Variants in CLNK observed in about 807,000 individuals in gnomAD.
CLNK encodes the protein cytokine-dependent hematopoietic cell linker.
Under a neutral mutation model 68.6 loss-of-function variants are expected in CLNK, and 74 were observed. The ratio of observed to expected loss-of-function variants is 1.08; its 90% CI spans 0.89 to 1.31. The LOEUF (loss-of-function observed/expected upper bound fraction) is 1.31. Ranked by LOEUF, CLNK falls within the 50% of genes most tolerant of loss-of-function variation. The pLI is 0.00. For missense variants in CLNK, 553 were observed against 515.3 expected, an observed-to-expected ratio of 1.07 and a Z score of -0.71; for synonymous variants, 198 against 172.2, an observed-to-expected ratio of 1.15 and a Z score of -1.17.
intron 2 of CLNK, among the ~76,000 whole-genome samples, chr4:10,666,756 G>A (rs545074780): frequency 1.1e-4 from 16 of 152,344 alleles, no homozygotes; most frequent in African/African-American, 2.9e-4. Flanking sequence ...TGTGGACTAC[G>A]TGCCAGGGAG....
chr4:10,624,748 T>G (rs1264115269), intron 2 of CLNK, among the ~76,000 whole-genome samples: 1 of 152,092 alleles, frequency 6.6e-6, no homozygotes, highest in Non-Finnish European at 1.5e-5. Context: ...TAGTATTTGG[T>G]TATGAAACAA....
chr4:10,565,351 T>C (rs1269967130), intron 6 of CLNK, among the ~76,000 whole-genome samples: 1 of 152,216 alleles, frequency 6.6e-6, no homozygotes, highest in Non-Finnish European at 1.5e-5. Context: ...CTTCTATAGA[T>C]TCACTTTAGT....
At chr4:10,582,108 A>G (rs1345089125) in intron 4 of CLNK, among the ~76,000 whole-genome samples, 1 of 152,226 alleles carries the variant, frequency 6.6e-6, no homozygotes, top group South Asian at 2.1e-4. Context: ...CAATCTTGGG[A>G]TGATCTGAAA....
At chr4:10,727,662 C>T in the CLNK span, among the ~76,000 whole-genome samples, 1 of 152,214 alleles carries the variant, frequency 6.6e-6, no homozygotes. Flanking sequence ...AGGGGACAGT[C>T]ATCAGAATGC....
intron 14 of CLNK, among the ~76,000 whole-genome samples, chr4:10,522,313 C>A (rs1264138568): frequency 6.7e-6 from 1 of 149,340 alleles, no homozygotes; most frequent in Non-Finnish European, 1.5e-5. Flanking sequence ...GTGGCTTACA[C>A]CTGTAATCCC....
intron 14 of CLNK, among the ~76,000 whole-genome samples, chr4:10,523,560 A>G (rs1718170946): frequency 6.6e-6 from 1 of 152,104 alleles, no homozygotes; most frequent in Admixed American, 6.6e-5. Context: ...GCAGCCAGTT[A>G]AGAGAGGGAG....
intron 8 of CLNK, among the ~76,000 whole-genome samples, chr4:10,546,548 A>G (rs1431855314): frequency 6.6e-6 from 1 of 152,140 alleles, no homozygotes; most frequent in African/African-American, 2.4e-5. Flanking sequence ...TGTCACAACC[A>G]CCTATCTAAT....
chr4:10,655,716 C>A (rs1723949160), intron 2 of CLNK, among the ~76,000 whole-genome samples: 1 of 135,980 alleles, frequency 7.4e-6, no homozygotes, highest in Non-Finnish European at 1.5e-5. Context: ...GTGGTGCGAT[C>A]TCGGCTCACT....
At chr4:10,612,362 T>C (rs569600796) in intron 2 of CLNK, among the ~76,000 whole-genome samples, 5 of 152,334 alleles carry the variant, frequency 3.3e-5, no homozygotes, top group South Asian at 2.1e-4. Flanking sequence ...AATGGACACA[T>C]TGGCCTGTGA....
At chr4:10,733,004 G>T in the CLNK span, among the ~76,000 whole-genome samples, 1 of 152,194 alleles carries the variant, frequency 6.6e-6, no homozygotes, top group African/African-American at 2.4e-5. Flanking sequence ...ATTTCAGAAA[G>T]CACAACCCAA....
intron 11 of CLNK, among the ~76,000 whole-genome samples, chr4:10,538,502 A>T (rs889348853): frequency 2.0e-5 from 3 of 152,174 alleles, no homozygotes. Flanking sequence ...GTATTAGACT[A>T]TTTGGCCAGG....
chr4:10,656,038 C>T (rs1243706098), intron 2 of CLNK, among the ~76,000 whole-genome samples: 1 of 152,174 alleles, frequency 6.6e-6, no homozygotes, highest in Admixed American at 6.5e-5. Context: ...AACTCCTCCA[C>T]ACTATACACA....
At chr4:10,538,285 C>T (rs1218983314) in intron 11 of CLNK, among the ~76,000 whole-genome samples, 3 of 152,110 alleles carry the variant, frequency 2.0e-5, no homozygotes, top group Non-Finnish European at 1.5e-5. Flanking sequence ...ATACTCCACC[C>T]CACCCAGCTA....
chr4:10,607,163 G>C (rs1259268923), intron 2 of CLNK, among the ~76,000 whole-genome samples: 1 of 152,140 alleles, frequency 6.6e-6, no homozygotes, highest in African/African-American at 2.4e-5. Context: ...CGGGGGAAAA[G>C]GTGCATCCAT....
chr4:10,624,074 T>C (rs1722563393), intron 2 of CLNK, among the ~76,000 whole-genome samples: 1 of 152,208 alleles, frequency 6.6e-6, no homozygotes, highest in African/African-American at 2.4e-5. Context: ...CTTTTCAGTT[T>C]CCCCATCTCT....
chr4:10,667,739 G>C, intron 2 of CLNK, 120 bp downstream of exon 2: 1 of 846,386 alleles, frequency 1.2e-6, no homozygotes, highest in Non-Finnish European at 1.8e-6. Context: ...GGCCTCTCAG[G>C]AAATCCCTTT....
intron 8 of CLNK, among the ~76,000 whole-genome samples, chr4:10,551,611 A>G (rs907561340): frequency 3.3e-5 from 5 of 152,074 alleles, no homozygotes; most frequent in Non-Finnish European, 5.9e-5. Flanking sequence ...CAATAACACT[A>G]TGAAATACAA....
At position 10,507,957 on chromosome 4, in the gene CLNK, A is replaced by G; in HGVS notation, c.984+2T>C. The G allele has an allele frequency of 6.2e-7, 1 of 1,600,852 alleles. No homozygotes were observed. The highest frequency in any genetic ancestry group is 8.5e-7 in the Non-Finnish European group (1 of 1,172,304). On this transcript the variant is annotated splice_donor_variant, in intron 17 of 18. Transcript: ENST00000226951. LOFTEE classifies it high-confidence loss of function. ...AATGATGGGCCACGTAGAAGGCATTACCTTGTTCTCCTTCATGAATGCCTC... is the reference window on the plus strand; with the variant it reads ...AATGATGGGCCACGTAGAAGGCATTGCCTTGTTCTCCTTCATGAATGCCTC...
chr4:10,601,542 T>C (rs1721591133), intron 2 of CLNK, among the ~76,000 whole-genome samples: 1 of 152,160 alleles, frequency 6.6e-6, no homozygotes, highest in African/African-American at 2.4e-5. Context: ...TGCTGGGAGA[T>C]TTATAAACTC....
Sources: allele counts gnomAD v4.1 joint callset (sites outside exome capture counted in the v4.1 genomes callset), GRCh38; gene constraint gnomAD v4.1.1; transcripts MANE v1.5; gene names NCBI Gene and HGNC (gene_info 2026-07-23, HGNC 2026-07-21).